The following KCNIP4 variants were observed in gnomAD, a reference collection of about 807,000 sequenced individuals.
The protein encoded by KCNIP4 is potassium voltage-gated channel interacting protein 4.
A neutral mutation model predicts 34.0 loss-of-function variants in KCNIP4; 12 were observed. The ratio of observed to expected loss-of-function variants is 0.35; its 90% confidence interval spans 0.23 to 0.57. The LOEUF (loss-of-function observed/expected upper bound fraction) is 0.57. KCNIP4 is among the 20% of genes least tolerant of loss of function. The pLI, the probability that KCNIP4 is intolerant of heterozygous loss-of-function variation, is 0.83. For synonymous variants in KCNIP4, 124 were observed against 102.2 expected (o/e 1.21, Z -1.29); for missense variants, 238 against 311.7 (o/e 0.76, Z 1.78).
At chr4:21,265,807 A>G (rs1272118312) in intron 1 of KCNIP4, among the ~76,000 whole-genome samples, 1 of 152,230 alleles carries the variant, frequency 6.6e-6, no homozygotes, top group East Asian at 1.9e-4. Flanking sequence ...GAACACATCA[A>G]AGAAAGCATC....
intron 1 of KCNIP4, among the ~76,000 whole-genome samples, chr4:21,610,339 C>G (rs916199278): frequency 6.6e-6 from 1 of 152,158 alleles, no homozygotes; most frequent in African/African-American, 2.4e-5. Flanking sequence ...TAATCTTCAC[C>G]CTTTGTCTTC....
intron 1 of KCNIP4, among the ~76,000 whole-genome samples, chr4:21,601,984 C>T (rs1033638792): frequency 2.6e-5 from 4 of 152,178 alleles, no homozygotes; most frequent in African/African-American, 9.7e-5. Context: ...AGCAAAATCA[C>T]CTGAATTAGT....
At chr4:21,278,579 A>T (rs1240278139) in intron 1 of KCNIP4, among the ~76,000 whole-genome samples, 1 of 152,160 alleles carries the variant, frequency 6.6e-6, no homozygotes, top group East Asian at 1.9e-4. Flanking sequence ...AATAGCAGAG[A>T]CATGGAATCA....
At chr4:20,831,291 A>G (rs891345172) in intron 3 of KCNIP4, among the ~76,000 whole-genome samples, 1 of 152,198 alleles carries the variant, frequency 6.6e-6, no homozygotes, top group African/African-American at 2.4e-5. Flanking sequence ...ATTGAGGTCC[A>G]GGGAGGCTTT....
intron 1 of KCNIP4, among the ~76,000 whole-genome samples, chr4:21,217,006 A>G (rs914672574): frequency 1.1e-4 from 16 of 152,222 alleles, no homozygotes; most frequent in Non-Finnish European, 1.8e-4. Flanking sequence ...ATTATAATCA[A>G]TATTCACTGA....
intron 1 of KCNIP4, among the ~76,000 whole-genome samples, chr4:20,992,875 A>G (rs1188766769): frequency 2.6e-5 from 4 of 152,026 alleles, no homozygotes; most frequent in African/African-American, 7.2e-5. Flanking sequence ...TAAAAATACA[A>G]AAATCAGCCG....
chr4:21,711,022 C>T (rs1713680281), intron 1 of KCNIP4, among the ~76,000 whole-genome samples: 1 of 152,154 alleles, frequency 6.6e-6, no homozygotes, highest in South Asian at 2.1e-4. Flanking sequence ...GGCACGCCTA[C>T]TACCTATGGT....
At chr4:20,902,720 A>T (rs779792916) in intron 1 of KCNIP4, among the ~76,000 whole-genome samples, 1 of 152,040 alleles carries the variant, frequency 6.6e-6, no homozygotes, top group Non-Finnish European at 1.5e-5. Flanking sequence ...GGGTTTCACC[A>T]TGTTGGCCAG....
chr4:21,900,455 A>G (rs919565154), intron 1 of KCNIP4, among the ~76,000 whole-genome samples: 2 of 152,202 alleles, frequency 1.3e-5, no homozygotes, highest in Admixed American at 1.3e-4. Flanking sequence ...TTTAGCCAAG[A>G]GAAAGGTCCT....
At chr4:21,219,107 T>C (rs1237470686) in intron 1 of KCNIP4, among the ~76,000 whole-genome samples, 2 of 152,204 alleles carry the variant, frequency 1.3e-5, no homozygotes, top group Admixed American at 1.3e-4. Context: ...AGGTTGCTTT[T>C]GTGAACAAAA....
chr4:21,703,286 G>A (rs921354350), intron 1 of KCNIP4, among the ~76,000 whole-genome samples: 8 of 152,082 alleles, frequency 5.3e-5, no homozygotes, highest in African/African-American at 1.9e-4. Flanking sequence ...AAGGCATACA[G>A]AGTGTAAAGA....
chr4:21,746,772 G>A (rs931333089), intron 1 of KCNIP4, among the ~76,000 whole-genome samples: 13 of 151,894 alleles, frequency 8.6e-5, no homozygotes, highest in Admixed American at 2.6e-4. Flanking sequence ...ACATTAAAAC[G>A]GTGTGAGTAA....
chr4:21,180,423 AT>A (rs895792156), intron 1 of KCNIP4, among the ~76,000 whole-genome samples: 3 of 152,168 alleles, frequency 2.0e-5, no homozygotes, highest in South Asian at 2.1e-4. Context: ...ATATTAAAGA[AT>A]TTTTTTATGG....
intron 1 of KCNIP4, among the ~76,000 whole-genome samples, chr4:21,112,594 T>C (rs1180932628): frequency 1.3e-5 from 2 of 152,224 alleles, no homozygotes; most frequent in Non-Finnish European, 2.9e-5. Flanking sequence ...AATGCTGTGA[T>C]TCTTGATACT....
intron 1 of KCNIP4, among the ~76,000 whole-genome samples, chr4:21,930,983 C>T (rs936462300): frequency 2.6e-5 from 4 of 152,112 alleles, no homozygotes; most frequent in African/African-American, 9.7e-5. Flanking sequence ...CTGAACAAAA[C>T]AGACAAACTC....
intron 1 of KCNIP4, among the ~76,000 whole-genome samples, chr4:21,046,435 T>C (rs934888490): frequency 2.6e-5 from 4 of 152,224 alleles, no homozygotes; most frequent in African/African-American, 7.2e-5. Context: ...CAGTTCTTTA[T>C]GCTTTGACAT....
chr4:21,575,592 G>T (rs535973257), intron 1 of KCNIP4, among the ~76,000 whole-genome samples: 3 of 150,130 alleles, frequency 2.0e-5, no homozygotes, highest in African/African-American at 7.4e-5. Flanking sequence ...TTAGATACAC[G>T]TTTTCTGTTA....
At chr4:20,849,452 G>A (rs978541038) in intron 3 of KCNIP4, among the ~76,000 whole-genome samples, 1 of 152,148 alleles carries the variant, frequency 6.6e-6, no homozygotes, top group Admixed American at 6.6e-5. Flanking sequence ...CTACCGGTAT[G>A]AATTCTCTGA....
intron 1 of KCNIP4, among the ~76,000 whole-genome samples, chr4:21,690,390 T>C (rs536811888): frequency 3.9e-4 from 59 of 152,014 alleles, no homozygotes; most frequent in African/African-American, 1.3e-3. Flanking sequence ...GTGTTGGAGG[T>C]GGTGGCTAGT....
Sources: allele counts gnomAD v4.1 joint callset (sites outside exome capture counted in the v4.1 genomes callset), GRCh38; gene constraint gnomAD v4.1.1; transcripts MANE v1.5; gene names NCBI Gene and HGNC (gene_info 2026-07-23, HGNC 2026-07-21).